Variants in SIRPD observed in about 807,000 individuals in gnomAD.
The protein encoded by SIRPD is signal-regulatory protein delta.
In SIRPD, 21 loss-of-function variants were observed where a neutral mutation model predicts 18.0. The observed-to-expected ratio is 1.17, with a 90% confidence interval of 0.83 to 1.68. The LOEUF (loss-of-function observed/expected upper bound fraction) is 1.68. Ranked by LOEUF, SIRPD falls within the 40% of genes most tolerant of loss-of-function variation. The pLI is 0.00. For missense variants in SIRPD, 295 were observed against 238.4 expected, an observed-to-expected ratio of 1.24 and a Z score of -1.56; for synonymous variants, 106 against 92.9, an observed-to-expected ratio of 1.14 and a Z score of -0.81.
intron 3 of SIRPD, 32 bp downstream of exon 3, chr20:1,537,123 G>C: frequency 1.2e-6 from 2 of 1,607,112 alleles, no homozygotes; most frequent in African/African-American, 2.7e-5. Context: ...GAGCATCCCT[G>C]CATCATGGTA....
chr20:1,551,837 G>T lies in SIRPD; in HGVS notation c.275C>A (p.Thr92Asn). The change falls in exon 2 of 4, where the codon ACC becomes AAC. Residue 92 changes from threonine to asparagine, a missense_variant. By Grantham distance (65) the Thr-to-Asn change is moderately conservative. Transcript: ENST00000381623. ...AAAGTCTGTGTTGCCAGGCTTGGTGGTGTCTCCAATCTCTTTTACTCTGGG... is the reference window on the plus strand; with the variant it reads ...AAAGTCTGTGTTGCCAGGCTTGGTGTTGTCTCCAATCTCTTTTACTCTGGG... Reference protein sequence around the residue: ...NFPRVKEIGDTTKPGNTDFST... With the variant: ...NFPRVKEIGDNTKPGNTDFST... 6.2e-7 allele frequency: 1 copy of T among 1,614,124 alleles called. No homozygotes were observed. The highest frequency in any genetic ancestry group is 8.5e-7 in the Non-Finnish European group (1 of 1,179,982).
intron 2 of SIRPD, chr20:1,540,250 C>T (rs1024702576): frequency 4.4e-6 from 2 of 455,508 alleles, no homozygotes; most frequent in African/African-American, 4.0e-5. Context: ...TCTCCTAGAA[C>T]CTCCAGAAGG....
At chr20:1,547,265 G>A (rs1340552366) in intron 2 of SIRPD, among the ~76,000 whole-genome samples, 1 of 152,146 alleles carries the variant, frequency 6.6e-6, no homozygotes, top group African/African-American at 2.4e-5. Context: ...TTGAAAAGAT[G>A]CTTCTTTCCT....
rs112963954 is a variant in SIRPD at position 1,543,354 on chromosome 20, A to C, written c.422-6044T>G. Among the ~76,000 whole-genome samples, 1,387 of 152,090 alleles carry C rather than the reference A, an allele frequency of 9.1e-3. 22 individuals carry two copies. Among genetic ancestry groups the C allele is most frequent in the African/African-American group, 0.033 (1,353 of 41,482 alleles). On this transcript the variant is annotated intron_variant, in intron 2 of 3. Transcript: ENST00000381623. ...GGGATTCAACTTCTTCCTGGACTAG[A>C]CTTGGGAGGGTGTATGTGTCCAAGA...
intron 2 of SIRPD, among the ~76,000 whole-genome samples, chr20:1,549,388 T>C (rs1246455868): frequency 1.3e-5 from 2 of 152,038 alleles, no homozygotes; most frequent in African/African-American, 4.8e-5. Flanking sequence ...TTTTGGTTTG[T>C]TTTTGGTATA....
intron 2 of SIRPD, among the ~76,000 whole-genome samples, chr20:1,542,900 G>A (rs1008670930): frequency 6.6e-6 from 1 of 152,146 alleles, no homozygotes; most frequent in Non-Finnish European, 1.5e-5. Context: ...TGTGGTTTTT[G>A]TCATTGGTTC....
intron 1 of SIRPD, among the ~76,000 whole-genome samples, chr20:1,552,604 C>A (rs955290159): frequency 1.3e-5 from 2 of 152,120 alleles, no homozygotes; most frequent in African/African-American, 2.4e-5. Context: ...GAGAGGGTTT[C>A]CTCTCCTCAA....
intron 2 of SIRPD, among the ~76,000 whole-genome samples, chr20:1,543,664 T>C (rs2090981572): frequency 6.6e-6 from 1 of 152,212 alleles, no homozygotes; most frequent in African/African-American, 2.4e-5. Flanking sequence ...TTCTGCTATC[T>C]TTTGAATTTG....
At position 1,537,327 on chromosome 20, in the gene SIRPD, A is replaced by C; in HGVS notation, c.422-17T>G. On this transcript the variant is annotated splice_polypyrimidine_tract_variant and intron_variant, in intron 2 of 3. Coordinates refer to ENST00000381623, the MANE Select transcript of SIRPD (RefSeq NM_178460.3). Reference sequence around the variant, plus strand: ...GATTCTGCTCTGCTGAGAGAGGCAAAACTATGTGTTCCATGATATAAGAGG... The same window carrying C: ...GATTCTGCTCTGCTGAGAGAGGCAACACTATGTGTTCCATGATATAAGAGG... The C allele has an allele frequency of 3.1e-6, 5 of 1,611,116 alleles. No individual in the cohort carries two copies. Among genetic ancestry groups the C allele is most frequent in the Non-Finnish European group, 4.2e-6 (5 of 1,178,014 alleles).
intron 2 of SIRPD, among the ~76,000 whole-genome samples, chr20:1,538,474 C>T (rs1219437257): frequency 6.6e-6 from 1 of 152,192 alleles, no homozygotes; most frequent in Non-Finnish European, 1.5e-5. Flanking sequence ...GGTCCCTCTT[C>T]ACTCATGCTC....
chr20:1,552,162 A>G, intron 1 of SIRPD, 124 bp from the exon 2 acceptor site: 1 of 777,266 alleles, frequency 1.3e-6, no homozygotes, highest in Non-Finnish European at 2.0e-6. Context: ...TGCATTGAGT[A>G]AAGAGAGGCC....
Position 1,551,865 on chromosome 20 carries a change from A to C in SIRPD, c.247T>G (p.Phe83Val). ...TCTCCAATCTCTTTTACTCTGGGAA[A>C]GTTACCTTGTTTGAAATTGTAGATT... ...KLIYNFKQGN[F>V]PRVKEIGDTT... Residue 83 changes from phenylalanine to valine, a missense_variant, in exon 2 of 4, where the codon TTT (phenylalanine) becomes GTT (valine). Coordinates refer to ENST00000381623, the MANE Select transcript of SIRPD (RefSeq NM_178460.3). 6.2e-7 allele frequency: 1 copy of C among 1,614,102 alleles called. No individual in the cohort carries two copies. Among genetic ancestry groups the C allele is most frequent in the Non-Finnish European group, 8.5e-7 (1 of 1,179,990 alleles).
At chr20:1,543,310 C>T (rs1697923126) in intron 2 of SIRPD, among the ~76,000 whole-genome samples, 1 of 152,110 alleles carries the variant, frequency 6.6e-6, no homozygotes, top group Non-Finnish European at 1.5e-5. Flanking sequence ...AATTTCGGAA[C>T]TTGTTATTGG....
intron 2 of SIRPD, among the ~76,000 whole-genome samples, chr20:1,550,268 A>G (rs983839442): frequency 6.6e-6 from 1 of 152,208 alleles, no homozygotes; most frequent in African/African-American, 2.4e-5. Flanking sequence ...GTTATCTCCC[A>G]TGGACCTCCT....
chr20:1,545,728 G>A lies in SIRPD; in HGVS notation c.421+5963C>T, dbSNP rs35585486. On this transcript the variant is annotated intron_variant, in intron 2 of 3. Transcript: ENST00000381623. Reference sequence around the variant, plus strand: ...TTTTTGGAGTTTTCAGCTTTTTTGCGCTGTTTTTTCCTCATTTTCATGGAT... The same window carrying A: ...TTTTTGGAGTTTTCAGCTTTTTTGCACTGTTTTTTCCTCATTTTCATGGAT... 8.0e-3 allele frequency among the ~76,000 whole-genome samples: 1,219 copies of A among 152,228 alleles called. 5 individuals are homozygous for A. The highest frequency in any genetic ancestry group is 0.013 in the Non-Finnish European group (879 of 68,002).
chr20:1,547,896 G>A (rs1331206629), intron 2 of SIRPD, among the ~76,000 whole-genome samples: 3 of 152,098 alleles, frequency 2.0e-5, no homozygotes, highest in African/African-American at 4.8e-5. Context: ...TTCATTCCAA[G>A]TGTGTGGAAA....
At chr20:1,539,579 T>C (rs1249391443) in intron 2 of SIRPD, among the ~76,000 whole-genome samples, 1 of 152,238 alleles carries the variant, frequency 6.6e-6, no homozygotes, top group East Asian at 1.9e-4. Context: ...GTAGTCAGCC[T>C]TTGAGATTAT....
At chr20:1,536,415 T>C (rs879492459) in intron 3 of SIRPD, among the ~76,000 whole-genome samples, 2 of 152,046 alleles carry the variant, frequency 1.3e-5, no homozygotes, top group Non-Finnish European at 2.9e-5. Flanking sequence ...TTTTTTTTTT[T>C]TTTTAATGCC....
chr20:1,553,547 T>G (rs2091028132), intron 1 of SIRPD, among the ~76,000 whole-genome samples: 1 of 152,182 alleles, frequency 6.6e-6, no homozygotes, highest in Admixed American at 6.5e-5. Context: ...ATATACACAA[T>G]GCATATACCT....
Sources: gnomAD v4.1 joint callset for allele counts (sites outside exome capture counted in the v4.1 genomes callset) on GRCh38, gnomAD v4.1.1 for gene constraint, MANE v1.5 for transcripts, NCBI Gene and HGNC (gene_info 2026-07-23, HGNC 2026-07-21) for gene names.